The following MACROD2 variants were observed in gnomAD, a reference collection of about 807,000 sequenced individuals.
MACROD2 encodes ADP-ribose glycohydrolase MACROD2.
In MACROD2, 36 loss-of-function variants were observed where a neutral mutation model predicts 70.4. That is an observed-to-expected ratio of 0.51 (90% CI 0.39 to 0.68). The LOEUF (loss-of-function observed/expected upper bound fraction) is 0.68. Among genes scored for constraint, MACROD2 ranks in the 30% least tolerant of loss-of-function variants. The pLI, the probability that MACROD2 is intolerant of heterozygous loss-of-function variation, is 0.00. For missense variants in MACROD2, 496 were observed against 538.4 expected, an observed-to-expected ratio of 0.92 and a Z score of 0.78; for synonymous variants, 172 against 178.8, an observed-to-expected ratio of 0.96 and a Z score of 0.30.
chr20:15,558,408 G>A (rs1037635975), intron 8 of MACROD2, among the ~76,000 whole-genome samples: 7 of 152,160 alleles, frequency 4.6e-5, no homozygotes, highest in African/African-American at 1.7e-4. Context: ...AAGTAATAGC[G>A]GGTTTTGCTA....
chr20:15,082,523 GTTTTTTT>G (rs753606217), intron 5 of MACROD2, among the ~76,000 whole-genome samples: 11 of 101,756 alleles, frequency 1.1e-4, no homozygotes, highest in Admixed American at 6.6e-4. Context: ...ACTGCAAGAG[GTTTTTTT>G]TTTTTTTTTT....
At chr20:14,020,156 AGATTGCAGTTTGT>A (rs2053054831) in intron 2 of MACROD2, among the ~76,000 whole-genome samples, 1 of 152,174 alleles carries the variant, frequency 6.6e-6, no homozygotes, top group African/African-American at 2.4e-5. Context: ...TCTGGGATGT[AGATTGCAGTTTGT>A]GATTACAGAA....
intron 5 of MACROD2, among the ~76,000 whole-genome samples, chr20:15,061,116 T>C (rs1474291562): frequency 1.3e-5 from 2 of 152,174 alleles, no homozygotes; most frequent in Non-Finnish European, 2.9e-5. Flanking sequence ...CTAATGCTTG[T>C]GATAGTGTAT....
intron 5 of MACROD2, among the ~76,000 whole-genome samples, chr20:15,085,871 ACAACAC>A (rs1024018616): frequency 1.8e-5 from 2 of 109,182 alleles, no homozygotes; most frequent in African/African-American, 7.2e-5. Context: ...ACACACACAC[ACAACAC>A]ACACACACAC....
At chr20:14,018,106 T>G (rs1368366747) in intron 2 of MACROD2, among the ~76,000 whole-genome samples, 5 of 152,188 alleles carry the variant, frequency 3.3e-5, no homozygotes, top group Non-Finnish European at 7.4e-5. Flanking sequence ...CTCATAATTA[T>G]TTCTGTAGAA....
chr20:15,143,003 T>G (rs2076203787), intron 5 of MACROD2, among the ~76,000 whole-genome samples: 1 of 152,238 alleles, frequency 6.6e-6, no homozygotes, highest in African/African-American at 2.4e-5. Flanking sequence ...GCAGCATGAT[T>G]TATAATCCTT....
At chr20:14,866,445 T>G (rs919013007) in intron 5 of MACROD2, among the ~76,000 whole-genome samples, 5 of 152,168 alleles carry the variant, frequency 3.3e-5, no homozygotes, top group African/African-American at 1.2e-4. Flanking sequence ...TTTAGGTAAT[T>G]TAACCTTCTC....
intron 6 of MACROD2, among the ~76,000 whole-genome samples, chr20:15,304,728 T>G (rs2077679987): frequency 6.6e-6 from 1 of 150,648 alleles, no homozygotes; most frequent in Non-Finnish European, 1.5e-5. Context: ...CGTGCCTGCC[T>G]TATCTAAAAA....
At chr20:16,031,651 A>G (rs1228161966) in intron 15 of MACROD2, among the ~76,000 whole-genome samples, 2 of 152,166 alleles carry the variant, frequency 1.3e-5, no homozygotes, top group Non-Finnish European at 2.9e-5. Flanking sequence ...ACAGATTACA[A>G]TGGCATGCTC....
chr20:14,281,520 A>G lies in MACROD2; in HGVS notation c.271+195792A>G, dbSNP rs561856328. 2.3e-4 allele frequency among the ~76,000 whole-genome samples: 35 copies of G among 152,304 alleles called. No individual in the cohort carries two copies. In the South Asian group the frequency reaches 7.0e-3, roughly 31 times the overall value. ...GTAATACTTTTGCAACTTTGTGAAT[A>G]TATTTAAAACTGCTGAATTGTATAT... On this transcript the variant is annotated intron_variant, in intron 3 of 17. Coordinates refer to ENST00000684519, the MANE Select transcript of MACROD2 (RefSeq NM_001351661.2).
chr20:15,688,328 C>T (rs142903159), intron 8 of MACROD2, among the ~76,000 whole-genome samples: 13 of 152,274 alleles, frequency 8.5e-5, no homozygotes, highest in East Asian at 7.7e-4. Flanking sequence ...GAAGTCTCCT[C>T]AGGTCAGCCA....
At position 13,995,749 on chromosome 20, in the gene MACROD2, C is replaced by T; in HGVS notation, c.-15C>T. The T allele has an allele frequency of 6.2e-7, 1 of 1,612,636 alleles. No individual in the cohort carries two copies. Among genetic ancestry groups the T allele is most frequent in the Non-Finnish European group, 8.5e-7 (1 of 1,179,316 alleles). On this transcript the variant is annotated 5_prime_UTR_variant, in exon 1 of 18. Coordinates refer to ENST00000684519, the MANE Select transcript of MACROD2 (RefSeq NM_001351661.2). The surrounding 1 kb of genome is among the most constrained non-coding windows in gnomAD (Gnocchi z 4.3). ...GGGGAACTTGCAGCTTAAAGCCAGC[C>T]ACCCCCACGGCAACATGTACCCCAG...
At chr20:14,453,594 T>C (rs1312277650) in intron 3 of MACROD2, among the ~76,000 whole-genome samples, 1 of 152,156 alleles carries the variant, frequency 6.6e-6, no homozygotes, top group Non-Finnish European at 1.5e-5. Flanking sequence ...ATGTGTCGAA[T>C]GTTGGACATA....
chr20:15,274,552 C>T (rs1042874622), intron 6 of MACROD2, among the ~76,000 whole-genome samples: 4 of 152,332 alleles, frequency 2.6e-5, no homozygotes, highest in African/African-American at 7.2e-5. Flanking sequence ...AGTAGACTAA[C>T]GTCCTCTGGT....
At chr20:15,526,035 C>G (rs1301145994) in intron 8 of MACROD2, among the ~76,000 whole-genome samples, 1 of 152,064 alleles carries the variant, frequency 6.6e-6, no homozygotes. Flanking sequence ...AGATGTTTTT[C>G]TTTAAGTTTT....
chr20:15,642,597 AACACACACACACACACACAC>A (rs56698663), intron 8 of MACROD2, among the ~76,000 whole-genome samples: 17 of 147,108 alleles, frequency 1.2e-4, no homozygotes, highest in African/African-American at 4.0e-4. Context: ...ACCTGTCATG[AACACACACACACACACACAC>A]ACACACACAC....
chr20:15,475,537 A>G (rs1362525733), intron 7 of MACROD2, among the ~76,000 whole-genome samples: 3 of 152,226 alleles, frequency 2.0e-5, no homozygotes, highest in African/African-American at 7.2e-5. Flanking sequence ...TGAAAACAGA[A>G]CTACATTTGT....
At chr20:14,994,103 C>T (rs1600922199) in intron 5 of MACROD2, among the ~76,000 whole-genome samples, 2 of 152,240 alleles carry the variant, frequency 1.3e-5, no homozygotes, top group East Asian at 3.9e-4. Context: ...TTTACATACA[C>T]AGACATGCCT....
chr20:15,344,630 A>T (rs770114871), intron 6 of MACROD2, among the ~76,000 whole-genome samples: 7 of 152,084 alleles, frequency 4.6e-5, no homozygotes, highest in Admixed American at 2.0e-4. Flanking sequence ...AACCAGACTC[A>T]CAGAGGACTG....
Sources: allele counts gnomAD v4.1 joint callset (sites outside exome capture counted in the v4.1 genomes callset), GRCh38; gene constraint gnomAD v4.1.1; non-coding constraint Gnocchi (gnomAD v3.1); transcripts MANE v1.5; gene names NCBI Gene and HGNC (gene_info 2026-07-23, HGNC 2026-07-21).